The following IL5RA variants were observed in gnomAD, a reference collection of about 807,000 sequenced individuals.
IL5RA encodes interleukin 5 receptor subunit alpha.
IL5RA carries 49 observed loss-of-function variants against 50.0 expected under a neutral mutation model. The ratio of observed to expected loss-of-function variants is 0.98; its 90% CI spans 0.78 to 1.24. The LOEUF (loss-of-function observed/expected upper bound fraction) is 1.24, where lower values mean the gene tolerates loss of function less well. Ranked by LOEUF, IL5RA falls within the 50% of genes most tolerant of loss-of-function variation. The probability of loss-of-function intolerance (pLI) is 0.00; values close to 1 mark genes in which losing one functional copy is unlikely to be tolerated. For missense variants in IL5RA, 600 were observed against 500.4 expected (o/e 1.20, Z -1.90); for synonymous variants, 202 against 174.0 (o/e 1.16, Z -1.26).
intron 11 of IL5RA, chr3:3,073,681 T>C: frequency 2.8e-6 from 1 of 362,108 alleles, no homozygotes; most frequent in Non-Finnish European, 5.4e-6. Context: ...AATGGAGTGA[T>C]ATGCTATGTT....
chr3:3,091,646 C>T lies in IL5RA; in HGVS notation c.994+578G>A, dbSNP rs143489074. Reference sequence around the variant, plus strand: ...ACACGGGAGGCTGAGACAGGAGAATCGCTCGAACCCAGGAGGCAGAGGTTG... The same window carrying T: ...ACACGGGAGGCTGAGACAGGAGAATTGCTCGAACCCAGGAGGCAGAGGTTG... On this transcript the variant is annotated intron_variant, in intron 9 of 11. Coordinates refer to ENST00000446632, the MANE Select transcript of IL5RA (RefSeq NM_175726.4). Among the ~76,000 whole-genome samples the T allele has an allele frequency of 9.5e-3, 1,448 of 152,210 alleles. 15 individuals carry two copies. The highest frequency in any genetic ancestry group is 0.033 in the African/African-American group (1,365 of 41,528).
At chr3:3,099,941 A>C (rs764359672) in intron 5 of IL5RA, among the ~76,000 whole-genome samples, 12 of 152,170 alleles carry the variant, frequency 7.9e-5, no homozygotes, top group Non-Finnish European at 1.3e-4. Flanking sequence ...AAGTGCTGGG[A>C]TTACAGGCGT....
In IL5RA at chr3:3,068,338, G is replaced by A. The variant is rs1347322073; in HGVS notation, c.*1887C>T. 6 of 152,170 alleles carry A rather than the reference G, an allele frequency of 3.9e-5. No individual in the cohort carries two copies. The highest frequency in any genetic ancestry group is 2.9e-5 in the Non-Finnish European group (2 of 68,122). 9.4% of individuals were successfully genotyped at this position (152,170 alleles called of 1,614,324 possible). A position where few individuals can be genotyped will look rare whatever the true frequency, so the allele number is the denominator to read the frequency against. ...TGTAATCCCAGTACTTTGGAAGGCTGAGGCCGGTGTATCGCTTGAGCCCAG... is the reference window on the plus strand; with the variant it reads ...TGTAATCCCAGTACTTTGGAAGGCTAAGGCCGGTGTATCGCTTGAGCCCAG... On this transcript the variant is annotated 3_prime_UTR_variant, in exon 12 of 12. Transcript: ENST00000446632.
chr3:3,089,057 C>G (rs1314376215), intron 9 of IL5RA, among the ~76,000 whole-genome samples: 2 of 151,842 alleles, frequency 1.3e-5, no homozygotes, highest in Non-Finnish European at 2.9e-5. Flanking sequence ...TGTGCTGGGT[C>G]AGTTTAGTTA....
chr3:3,074,014 A>C (rs1331067526), intron 11 of IL5RA, among the ~76,000 whole-genome samples: 1 of 152,248 alleles, frequency 6.6e-6, no homozygotes, highest in Non-Finnish European at 1.5e-5. Flanking sequence ...CTAATTTCCT[A>C]CAGAAATGCC....
At chr3:3,093,602 G>A (rs1703230040) in intron 8 of IL5RA, among the ~76,000 whole-genome samples, 1 of 152,152 alleles carries the variant, frequency 6.6e-6, no homozygotes, top group Non-Finnish European at 1.5e-5. Flanking sequence ...GGAAGCTCTG[G>A]CTAAGAAAGT....
At chr3:3,089,860 ACCTCGGCCTCCC>A in intron 9 of IL5RA, 1 of 177,086 alleles carries the variant, frequency 5.6e-6, no homozygotes, top group South Asian at 1.3e-4. Flanking sequence ...TGATCTGCCC[ACCTCGGCCTCCC>A]AAAGTGCTGG....
chr3:3,102,970 G>A (rs1026850611), intron 3 of IL5RA, 150 bp from the exon 4 acceptor site: 12 of 546,292 alleles, frequency 2.2e-5, no homozygotes, highest in East Asian at 1.3e-4. Flanking sequence ...CTGTAACACC[G>A]GGGCAAAGAG....
Position 3,104,859 on chromosome 3 carries a change from A to G in IL5RA, c.82+44T>C, listed in dbSNP as rs748568869. On this transcript the variant is annotated intron_variant, in intron 3 of 11. Transcript: ENST00000446632. ...AATAATGTTATCCTTTTACTAACAT[A>G]TTTTTAAAAATAAACATTATTGAAT... The G allele has an allele frequency of 9.1e-6, 11 of 1,203,612 alleles. No homozygotes were observed. The South Asian group carries it at 1.4e-4, about 15-fold the overall frequency. 74.6% of individuals were successfully genotyped at this position (1,203,612 alleles called of 1,614,324 possible).
At chr3:3,096,009 G>T (rs1289627513) in intron 7 of IL5RA, among the ~76,000 whole-genome samples, 1 of 152,084 alleles carries the variant, frequency 6.6e-6, no homozygotes, top group Non-Finnish European at 1.5e-5. Flanking sequence ...CAGGGCGTGG[G>T]GGCTCACGCC....
intron 9 of IL5RA, chr3:3,090,086 A>T: frequency 1.0e-6 from 1 of 959,064 alleles, no homozygotes; most frequent in South Asian, 1.7e-5. Context: ...AATTACCTAA[A>T]CTTTCCAAAC....
At chr3:3,103,646 A>G (rs1315674190) in intron 3 of IL5RA, among the ~76,000 whole-genome samples, 1 of 152,242 alleles carries the variant, frequency 6.6e-6, no homozygotes, top group African/African-American at 2.4e-5. Flanking sequence ...TTTGCTTTCA[A>G]AATTAAAGCT....
intron 9 of IL5RA, among the ~76,000 whole-genome samples, chr3:3,077,434 G>A (rs896879196): frequency 6.6e-6 from 1 of 152,110 alleles, no homozygotes; most frequent in African/African-American, 2.4e-5. Flanking sequence ...TGATAGCTTT[G>A]GGGTGTGTAA....
intron 10 of IL5RA, 32 bp from the exon 11 acceptor site, chr3:3,074,898 G>C (rs763350712): frequency 3.1e-6 from 4 of 1,286,656 alleles, no homozygotes; most frequent in Non-Finnish European, 4.5e-6. Context: ...AATTAGGTGA[G>C]CATGAGTATA....
intron 11 of IL5RA, among the ~76,000 whole-genome samples, chr3:3,070,538 T>C (rs1702262476): frequency 6.6e-6 from 1 of 151,894 alleles, no homozygotes; most frequent in African/African-American, 2.4e-5. Context: ...GGCATAATGT[T>C]TTCTTTAGAC....
chr3:3,095,654 C>T (rs1447424040), intron 7 of IL5RA, among the ~76,000 whole-genome samples: 1 of 152,068 alleles, frequency 6.6e-6, no homozygotes, highest in African/African-American at 2.4e-5. Flanking sequence ...GAAGAAGAGA[C>T]CCTTTCTGGA....
intron 2 of IL5RA, among the ~76,000 whole-genome samples, chr3:3,106,700 T>C (rs2125987726): frequency 2.0e-5 from 3 of 152,262 alleles, no homozygotes; most frequent in Admixed American, 2.0e-4. Flanking sequence ...AAAAATTCCT[T>C]AAGAACAGCA....
Position 3,102,836 on chromosome 3 carries a change from A to C in IL5RA, c.83-16T>G, listed in dbSNP as rs778731021. On this transcript the variant is annotated splice_polypyrimidine_tract_variant and intron_variant, in intron 3 of 11. Coordinates refer to ENST00000446632, the MANE Select transcript of IL5RA (RefSeq NM_175726.4). ...AGAAGTGAAACTGTTGATTCAAAGA[A>C]TAAAGAAACAACACAATGTTCAACT... is the stretch of plus-strand genomic sequence containing the variant. 1.3e-6 allele frequency: 2 copies of C among 1,590,538 alleles called. No individual in the cohort carries two copies. The highest frequency in any genetic ancestry group is 1.7e-6 in the Non-Finnish European group (2 of 1,171,214).
chr3:3,109,729 G>T (rs180782099), intron 1 of IL5RA, among the ~76,000 whole-genome samples: 51 of 152,224 alleles, frequency 3.4e-4, no homozygotes, highest in Admixed American at 5.9e-4. Flanking sequence ...AATAATAATA[G>T]AATTATAAGG....
Sources: allele counts gnomAD v4.1 joint callset (sites outside exome capture counted in the v4.1 genomes callset), GRCh38; gene constraint gnomAD v4.1.1; transcripts MANE v1.5; gene names NCBI Gene and HGNC (gene_info 2026-07-23, HGNC 2026-07-21).